Variants in CHSY3 observed in about 807,000 individuals in gnomAD.
The protein encoded by CHSY3 is chondroitin sulfate synthase 3.
Under a neutral mutation model 67.2 loss-of-function variants are expected in CHSY3, and 35 were observed. The ratio of observed to expected loss-of-function variants is 0.52; its 90% CI spans 0.40 to 0.69. The LOEUF (loss-of-function observed/expected upper bound fraction) is 0.69, where lower values mean the gene tolerates loss of function less well. Among genes scored for constraint, CHSY3 ranks in the 30% least tolerant of loss-of-function variants. The pLI is 0.00. For missense variants in CHSY3, 1,069 were observed against 1,138.5 expected (o/e 0.94, Z 0.88); for synonymous variants, 474 against 434.7 (o/e 1.09, Z -1.12).
At chr5:130,135,252 TAA>T (rs1425479638) in intron 2 of CHSY3, among the ~76,000 whole-genome samples, 2 of 151,436 alleles carry the variant, frequency 1.3e-5, no homozygotes, top group African/African-American at 4.8e-5. Context: ...ATAATATGTA[TAA>T]GTTTAATAAG....
At chr5:130,142,649 C>A (rs1768904441) in intron 2 of CHSY3, among the ~76,000 whole-genome samples, 2 of 152,124 alleles carry the variant, frequency 1.3e-5, no homozygotes, top group African/African-American at 4.8e-5. Flanking sequence ...AAAGCCTTTC[C>A]TTTGCAATTG....
At chr5:130,133,675 G>A (rs1379611343) in intron 2 of CHSY3, among the ~76,000 whole-genome samples, 1 of 150,584 alleles carries the variant, frequency 6.6e-6, no homozygotes, top group Admixed American at 6.7e-5. Flanking sequence ...GGGAGGCTGA[G>A]GCACGAGAAT....
chr5:129,925,100 G>T (rs1761058407), intron 2 of CHSY3, among the ~76,000 whole-genome samples: 1 of 152,154 alleles, frequency 6.6e-6, no homozygotes, highest in Non-Finnish European at 1.5e-5. Flanking sequence ...GCTATATTAT[G>T]CAGGAAAGAT....
chr5:129,916,533 A>G (rs1760735064), intron 2 of CHSY3, among the ~76,000 whole-genome samples: 1 of 152,226 alleles, frequency 6.6e-6, no homozygotes, highest in Non-Finnish European at 1.5e-5. Flanking sequence ...CGGCATTTTT[A>G]TTAAAACTGT....
chr5:129,937,000 A>G (rs1175649205), intron 2 of CHSY3, among the ~76,000 whole-genome samples: 1 of 152,162 alleles, frequency 6.6e-6, no homozygotes, highest in African/African-American at 2.4e-5. Context: ...AGGTAGAAGA[A>G]TTAGCTTCCT....
rs551064264 is a variant in CHSY3, at chr5:130,088,221, G to T, written c.1087-96008G>T. Among the ~76,000 whole-genome samples the T allele has an allele frequency of 2.6e-5, 4 of 152,178 alleles. No individual in the cohort carries two copies. In the East Asian group the frequency reaches 7.7e-4, roughly 29 times the overall value. ...ACACCTTGTACAAAAATTAATTCAA[G>T]ATGGATTATAGACTTAAACGTTAGA... On this transcript the variant is annotated intron_variant, in intron 2 of 2. Transcript: ENST00000305031.
At chr5:130,183,360 G>C (rs1342414754) in intron 2 of CHSY3, among the ~76,000 whole-genome samples, 1 of 152,064 alleles carries the variant, frequency 6.6e-6, no homozygotes, top group East Asian at 1.9e-4. Flanking sequence ...CTTTACATCA[G>C]GAGTGTAGAT....
chr5:130,108,336 AGT>A (rs1383235068), intron 2 of CHSY3, among the ~76,000 whole-genome samples: 9 of 151,602 alleles, frequency 5.9e-5, no homozygotes, highest in African/African-American at 2.2e-4. Flanking sequence ...CTCCTGCGTT[AGT>A]GTTTTATATT....
chr5:130,019,691 A>T (rs144318924), intron 2 of CHSY3, among the ~76,000 whole-genome samples: 2,165 of 152,290 alleles, frequency 0.014, 52 homozygotes, highest in African/African-American at 0.049. Flanking sequence ...CTACAATTTC[A>T]TAGGTGCTTC....
At chr5:130,101,704 A>T (rs920851215) in intron 2 of CHSY3, among the ~76,000 whole-genome samples, 1 of 152,080 alleles carries the variant, frequency 6.6e-6, no homozygotes, top group African/African-American at 2.4e-5. Context: ...CTCTTGTCTA[A>T]CTTATATTTC....
chr5:129,987,798 G>T (rs920514118), intron 2 of CHSY3, among the ~76,000 whole-genome samples: 1 of 152,136 alleles, frequency 6.6e-6, no homozygotes, highest in African/African-American at 2.4e-5. Context: ...TTGAGAAGAA[G>T]CATATTCCAT....
intron 2 of CHSY3, among the ~76,000 whole-genome samples, chr5:130,039,984 C>G (rs972439130): frequency 6.6e-6 from 1 of 152,000 alleles, no homozygotes; most frequent in South Asian, 2.1e-4. Flanking sequence ...CTGACATTGT[C>G]GCTTTAGGGA....
chr5:129,978,209 A>G (rs1762869400), intron 2 of CHSY3, among the ~76,000 whole-genome samples: 1 of 152,128 alleles, frequency 6.6e-6, no homozygotes. Flanking sequence ...TTTGCTTTTG[A>G]AAAAAAGATG....
intron 2 of CHSY3, among the ~76,000 whole-genome samples, chr5:130,175,474 A>G (rs1303600307): frequency 6.6e-6 from 1 of 152,184 alleles, no homozygotes; most frequent in Non-Finnish European, 1.5e-5. Flanking sequence ...TCAAGCTACC[A>G]TTGACTTTCT....
intron 2 of CHSY3, among the ~76,000 whole-genome samples, chr5:130,174,557 A>T (rs1769987659): frequency 6.6e-6 from 1 of 152,154 alleles, no homozygotes; most frequent in Admixed American, 6.6e-5. Flanking sequence ...GGCAAATTTA[A>T]TCAAGAGCAT....
chr5:130,031,255 A>G (rs1189506447), intron 2 of CHSY3, among the ~76,000 whole-genome samples: 1 of 152,118 alleles, frequency 6.6e-6, no homozygotes, highest in East Asian at 1.9e-4. Flanking sequence ...AGGGCTGAAG[A>G]TCTGTCCAAG....
At chr5:130,178,400 C>T (rs532034710) in intron 2 of CHSY3, among the ~76,000 whole-genome samples, 53 of 150,968 alleles carry the variant, frequency 3.5e-4, no homozygotes, top group African/African-American at 1.3e-3. Context: ...CTACAGGCAC[C>T]CACCACCACG....
chr5:129,905,915 CG>C, intron 1 of CHSY3: 2 of 589,000 alleles, frequency 3.4e-6, no homozygotes, highest in Non-Finnish European at 5.5e-6. Context: ...GTCTTTACCT[CG>C]TCGGAGAGGT....
intron 2 of CHSY3, among the ~76,000 whole-genome samples, chr5:129,934,919 G>T (rs1761437729): frequency 6.6e-6 from 1 of 152,086 alleles, no homozygotes; most frequent in African/African-American, 2.4e-5. Context: ...ACTCCGAAAT[G>T]CAGAAAGAAA....
Sources: gnomAD v4.1 joint callset for allele counts (sites outside exome capture counted in the v4.1 genomes callset) on GRCh38, gnomAD v4.1.1 for gene constraint, MANE v1.5 for transcripts, NCBI Gene and HGNC (gene_info 2026-07-23, HGNC 2026-07-21) for gene names.